The following PEBP1 variants were observed in gnomAD, a reference collection of about 807,000 sequenced individuals.
The protein encoded by PEBP1 is phosphatidylethanolamine binding protein 1.
PEBP1 carries 17 observed loss-of-function variants against 22.7 expected under a neutral mutation model. The observed-to-expected ratio is 0.75, with a 90% confidence interval of 0.51 to 1.12. PEBP1 has a LOEUF of 1.12. PEBP1 is among the 50% of genes most tolerant of loss of function. The pLI, the probability that PEBP1 is intolerant of heterozygous loss-of-function variation, is 0.00. For missense variants in PEBP1, 205 were observed against 243.5 expected, an observed-to-expected ratio of 0.84 and a Z score of 1.05; for synonymous variants, 106 against 104.3, an observed-to-expected ratio of 1.02 and a Z score of -0.10.
chr12:118,139,532 G>A lies in PEBP1; in HGVS notation c.327G>A (p.Ser109=), dbSNP rs780253376. The change falls in exon 3 of 4, where the codon TCG becomes TCA. Residue 109 remains serine (S), a synonymous_variant. Transcript: ENST00000261313. ...CAGTCCTCTCCGATTATGTGGGCTCGGGGCCTCCCAAGGGCACAGGTTAGT... is the reference window on the plus strand; with the variant it reads ...CAGTCCTCTCCGATTATGTGGGCTCAGGGCCTCCCAAGGGCACAGGTTAGT... ...SGTVLSDYVG[S]GPPKGTGLHR... 5.6e-6 allele frequency: 9 copies of A among 1,612,238 alleles called. No homozygotes were observed. The highest frequency in any genetic ancestry group is 1.7e-5 in the Admixed American group (1 of 59,850).
intron 1 of PEBP1, among the ~76,000 whole-genome samples, chr12:118,137,234 GACA>G (rs1194667570): frequency 6.6e-6 from 1 of 152,218 alleles, no homozygotes; most frequent in Non-Finnish European, 1.5e-5. Context: ...ATTCCGGACA[GACA>G]ATGTAAGGGT....
intron 3 of PEBP1, among the ~76,000 whole-genome samples, chr12:118,142,717 T>C (rs1487928696): frequency 6.6e-6 from 1 of 151,402 alleles, no homozygotes. Context: ...CCTCAAGTGA[T>C]CCACCTGCCT....
chr12:118,136,345 G>C lies in PEBP1; in HGVS notation c.135+1G>C. The C allele has an allele frequency of 1.9e-6, 3 of 1,539,866 alleles. No homozygotes were observed. The highest frequency in any genetic ancestry group is 1.7e-6 in the Non-Finnish European group (2 of 1,145,616). On this transcript the variant is annotated splice_donor_variant, in intron 1 of 3. Coordinates refer to ENST00000261313, the MANE Select transcript of PEBP1 (RefSeq NM_002567.4). LOFTEE classifies it high-confidence loss of function. The surrounding 1 kb of genome is among the most constrained non-coding windows in gnomAD (Gnocchi z 5.6). ...GGGCAAAGTGCTGACGCCCACCCAG[G>C]TACACCGGGCGGCGGGCGTGCAGCG... is the stretch of plus-strand genomic sequence containing the variant.
chr12:118,137,514 C>T (rs1388263733), intron 1 of PEBP1, among the ~76,000 whole-genome samples: 3 of 152,098 alleles, frequency 2.0e-5, no homozygotes, highest in South Asian at 2.1e-4. Flanking sequence ...TTGATAGCGT[C>T]ACTACACTCC....
In PEBP1 at chr12:118,143,163, A is replaced by G. The variant is rs118160041; in HGVS notation, c.347-1423A>G. Reference sequence around the variant, plus strand: ...TACCATGCCCGACCACTACATTCACATTGTTGTGAAACAGATCTCTAGATT... The same window carrying G: ...TACCATGCCCGACCACTACATTCACGTTGTTGTGAAACAGATCTCTAGATT... On this transcript the variant is annotated intron_variant, in intron 3 of 3. Transcript: ENST00000261313. 4.4e-3 allele frequency among the ~76,000 whole-genome samples: 677 copies of G among 152,168 alleles called. 2 individuals carry two copies. The highest frequency in any genetic ancestry group is 6.8e-3 in the Middle Eastern group (2 of 294).
chr12:118,145,111 A>G lies in PEBP1; in HGVS notation c.*308A>G. The G allele has an allele frequency of 1.3e-6, 1 of 757,878 alleles. No individual in the cohort carries two copies. The highest frequency in any genetic ancestry group is 2.0e-6 in the Non-Finnish European group (1 of 504,938). The allele number at this position is 757,878 out of a possible 1,614,324, so 46.9% of individuals were successfully genotyped here. On this transcript the variant is annotated 3_prime_UTR_variant, in exon 4 of 4. Transcript: ENST00000261313. ...ATGTAAAAAAGAAAAAACTGGGGGGAAAAAGACCAGGTCTACAGTGATAGA... is the reference window on the plus strand; with the variant it reads ...ATGTAAAAAAGAAAAAACTGGGGGGGAAAAGACCAGGTCTACAGTGATAGA...
chr12:118,138,256 C>T, intron 2 of PEBP1, 108 bp downstream of exon 2: 1 of 749,698 alleles, frequency 1.3e-6, no homozygotes. Flanking sequence ...TGCCCCCACC[C>T]ATGCTTAAGC....
intron 1 of PEBP1, 62 bp from the exon 2 acceptor site, chr12:118,137,977 A>C: frequency 8.8e-7 from 1 of 1,141,212 alleles, no homozygotes. Flanking sequence ...GTGAGCCACC[A>C]CACCCAGCCA....
chr12:118,144,806 G>C lies in PEBP1; in HGVS notation c.*3G>C. ...ACGAGCAGCTGTCTGGGAAGTAGGG[G>C]GTTAGCTTGGGGACCTGAACTGTCC... On this transcript the variant is annotated 3_prime_UTR_variant, in exon 4 of 4. Transcript: ENST00000261313. 2 of 1,613,896 alleles carry C rather than the reference G, an allele frequency of 1.2e-6. No individual in the cohort carries two copies. The highest frequency in any genetic ancestry group is 1.7e-6 in the Non-Finnish European group (2 of 1,180,024).
At position 118,136,189 on chromosome 12, in the gene PEBP1, C is replaced by T; in HGVS notation, c.-21C>T. 1 of 1,542,798 alleles carries T rather than the reference C, an allele frequency of 6.5e-7. No individual in the cohort carries two copies. ...TGGCCTACCGCGGCACTCCCGGCTG[C>T]ACGCTCTGCTTGGCCTCGCCATGCC... On this transcript the variant is annotated 5_prime_UTR_variant, in exon 1 of 4. Transcript: ENST00000261313. This position sits in a 1 kb window ranked among gnomAD's most constrained non-coding sequence, Gnocchi z 5.6.
chr12:118,142,521 G>A (rs1196496861), intron 3 of PEBP1, among the ~76,000 whole-genome samples: 10 of 151,246 alleles, frequency 6.6e-5, no homozygotes, highest in Admixed American at 5.9e-4. Context: ...CTTTTTTTGA[G>A]GCTGGAGTGC....
intron 3 of PEBP1, among the ~76,000 whole-genome samples, chr12:118,144,270 A>G (rs1170495294): frequency 1.3e-5 from 2 of 151,860 alleles, no homozygotes; most frequent in African/African-American, 2.4e-5. Flanking sequence ...TTGGGAGGCG[A>G]GGATAAGGGG....
intron 3 of PEBP1, among the ~76,000 whole-genome samples, chr12:118,143,905 CA>C (rs5801270): frequency 0.059 from 6,615 of 112,178 alleles, 193 homozygotes; most frequent in African/African-American, 0.14. Flanking sequence ...GACTCCGTCT[CA>C]AAAAAAAAAA....
At chr12:118,140,216 A>G (rs1416414848) in intron 3 of PEBP1, among the ~76,000 whole-genome samples, 1 of 152,128 alleles carries the variant, frequency 6.6e-6, no homozygotes, top group Non-Finnish European at 1.5e-5. Context: ...ATGCATTCTT[A>G]TTGCCTGGTG....
At chr12:118,140,168 C>G (rs1320796781) in intron 3 of PEBP1, among the ~76,000 whole-genome samples, 1 of 152,142 alleles carries the variant, frequency 6.6e-6, no homozygotes. Flanking sequence ...TTGAAACTTT[C>G]CAGGTTGGGT....
At chr12:118,142,686 A>C (rs903735455) in intron 3 of PEBP1, among the ~76,000 whole-genome samples, 9 of 151,816 alleles carry the variant, frequency 5.9e-5, no homozygotes, top group Non-Finnish European at 1.2e-4. Flanking sequence ...CATCTTGGCC[A>C]AGCTGGTCTC....
chr12:118,137,107 G>C (rs898018739), intron 1 of PEBP1, among the ~76,000 whole-genome samples: 1 of 152,106 alleles, frequency 6.6e-6, no homozygotes, highest in Admixed American at 6.6e-5. Flanking sequence ...CTCCCTGCCC[G>C]CCTCTCATCA....
At position 118,144,960 on chromosome 12, in the gene PEBP1, C is replaced by T. The variant is rs1011328812; in HGVS notation, c.*157C>T. On this transcript the variant is annotated 3_prime_UTR_variant, in exon 4 of 4. Transcript: ENST00000261313. ...AGTTGAGGGTGACTTTTCCTGCTGCCTGGCCTTTATAATTTTACTCACTCA... is the reference window on the plus strand; with the variant it reads ...AGTTGAGGGTGACTTTTCCTGCTGCTTGGCCTTTATAATTTTACTCACTCA... The T allele has an allele frequency of 1.3e-6, 2 of 1,534,016 alleles. No individual in the cohort carries two copies. The highest frequency in any genetic ancestry group is 2.7e-5 in the African/African-American group (2 of 73,048).
intron 1 of PEBP1, 141 bp from the exon 2 acceptor site, chr12:118,137,898 G>A (rs147190541): frequency 1.6e-6 from 1 of 618,066 alleles, no homozygotes; most frequent in South Asian, 1.9e-5. Flanking sequence ...TGTTGGCCAG[G>A]CTGGTCTCAA....
Sources: gnomAD v4.1 joint callset for allele counts (sites outside exome capture counted in the v4.1 genomes callset) on GRCh38, gnomAD v4.1.1 for gene constraint, Gnocchi (gnomAD v3.1) non-coding constraint, MANE v1.5 for transcripts, NCBI Gene and HGNC (gene_info 2026-07-23, HGNC 2026-07-21) for gene names.